ZNF106: variants seen among roughly 807,000 people sequenced by gnomAD.
ZNF106 encodes the protein zinc finger protein 106, also known as SH3-domain binding protein 3.
ZNF106 carries 67 observed loss-of-function variants against 195.1 expected under a neutral mutation model. The ratio of observed to expected loss-of-function variants is 0.34; its 90% CI spans 0.28 to 0.42. The LOEUF is 0.42. ZNF106 is among the 10% of genes least tolerant of loss of function. ZNF106 has a pLI of 1.00. For missense variants in ZNF106, 2,118 were observed against 2,304.5 expected, an observed-to-expected ratio of 0.92 and a Z score of 1.66; for synonymous variants, 784 against 818.6, an observed-to-expected ratio of 0.96 and a Z score of 0.72.
At chr15:42,447,833 G>A (rs563827649) in intron 6 of ZNF106, among the ~76,000 whole-genome samples, 14 of 152,254 alleles carry the variant, frequency 9.2e-5, no homozygotes, top group African/African-American at 3.1e-4. Context: ...CTTGGACACT[G>A]GTTTTAGATA....
At position 42,413,849 on chromosome 15, in the gene ZNF106, T is replaced by TAA. The variant is rs28364558; in HGVS notation, c.*3454_*3455insTT. The TAA allele has an allele frequency of 1.3e-5, 2 of 152,228 alleles. No homozygotes were observed. The highest frequency in any genetic ancestry group is 3.8e-4 in the East Asian group (2 of 5,202). The allele number at this position is 152,228 out of a possible 1,614,324, so 9.4% of individuals were successfully genotyped here. A position where few individuals can be genotyped will look rare whatever the true frequency, so the allele number is the denominator to read the frequency against. On this transcript the variant is annotated 3_prime_UTR_variant, in exon 22 of 22. Coordinates refer to ENST00000564754, the MANE Select transcript of ZNF106 (RefSeq NM_001366845.3). Reference sequence around the variant, plus strand: ...ATCAGGTCAAGATAACCTTTGCTGTTAGAGTTTTGTTTGCATGGTGTGGAA... The same window carrying TAA: ...ATCAGGTCAAGATAACCTTTGCTGTTAAAGAGTTTTGTTTGCATGGTGTGGAA...
intron 17 of ZNF106, 116 bp downstream of exon 17, chr15:42,423,881 AC>A (rs2054759245): frequency 7.5e-6 from 7 of 938,284 alleles, no homozygotes; most frequent in Non-Finnish European, 1.1e-5. Context: ...AGGGATGATT[AC>A]GAATCCCTTC....
At position 42,448,172 on chromosome 15, in the gene ZNF106, G is replaced by C. The variant is rs140464950; in HGVS notation, c.3035C>G (p.Ala1012Gly). The C allele has an allele frequency of 6.2e-7, 1 of 1,614,110 alleles. No individual in the cohort carries two copies. The highest frequency in any genetic ancestry group is 2.2e-5 in the East Asian group (1 of 44,880). ...CLSSSASSAL[A>G]ISSLADAATD... ...GGCTGCATCCGCTAAACTGGAGATC[G>C]CAAGGGCTGAGGATGCGCTTGATGA... The change falls in exon 6 of 22, where the codon GCG (alanine) becomes GGG (glycine). Residue 1012 changes from alanine to glycine, a missense_variant. Ala to Gly is a moderately conservative substitution (Grantham distance 60). Coordinates refer to ENST00000564754, the MANE Select transcript of ZNF106 (RefSeq NM_001366845.3).
chr15:42,457,367 C>A, intron 3 of ZNF106: 1 of 1,421,048 alleles, frequency 7.0e-7, no homozygotes, highest in Non-Finnish European at 9.2e-7. Context: ...TTCCAGCAAT[C>A]AAGAGGCAAT....
intron 9 of ZNF106, 80 bp downstream of exon 9, chr15:42,444,112 CAAAAAAAAAA>C (rs58966014): frequency 1.1e-4 from 28 of 248,904 alleles, no homozygotes; most frequent in African/African-American, 3.5e-4. Context: ...ACTCTGTCTC[CAAAAAAAAAA>C]AAAAAAAAAA....
At chr15:42,490,144 T>C (rs2057114692) in intron 1 of ZNF106, among the ~76,000 whole-genome samples, 1 of 151,218 alleles carries the variant, frequency 6.6e-6, no homozygotes, top group Non-Finnish European at 1.5e-5. Flanking sequence ...GCAGGAGAAT[T>C]GCTTGAATCC....
intron 7 of ZNF106, 100 bp downstream of exon 7, chr15:42,446,489 A>T: frequency 1.2e-6 from 1 of 854,320 alleles, no homozygotes; most frequent in Non-Finnish European, 1.9e-6. Context: ...AGAGAAGAGG[A>T]TTGCTTGAGC....
At chr15:42,436,457 C>T (rs1276949700) in intron 13 of ZNF106, among the ~76,000 whole-genome samples, 2 of 152,178 alleles carry the variant, frequency 1.3e-5, no homozygotes, top group East Asian at 1.9e-4. Context: ...GGAATCTACA[C>T]ACCTGTTGCC....
rs1237036737 is a variant in ZNF106 at position 42,451,884 on chromosome 15, C to T, written c.388G>A (p.Asp130Asn). The T allele has an allele frequency of 6.2e-7, 1 of 1,614,170 alleles. No individual in the cohort carries two copies. The change falls in exon 5 of 22, where the codon GAC (aspartate) becomes AAC (asparagine). Residue 130 changes from aspartate to asparagine, a missense_variant. By Grantham distance (23) the Asp-to-Asn change is conservative. Transcript: ENST00000564754. ...DDRRPQWRRE[D>N]RIPYQDRESY... is the part of the protein sequence containing the mutation. ...TCTCTGTCTTGGTAAGGAATTCGGTCTTCTCGTCTCCATTGGGGTCGTCTG... is the reference window on the plus strand; with the variant it reads ...TCTCTGTCTTGGTAAGGAATTCGGTTTTCTCGTCTCCATTGGGGTCGTCTG...
chr15:42,482,879 C>G (rs2056934945), intron 1 of ZNF106, among the ~76,000 whole-genome samples: 1 of 152,148 alleles, frequency 6.6e-6, no homozygotes, highest in Non-Finnish European at 1.5e-5. Flanking sequence ...GTCTGCTCCA[C>G]ATATGCATAA....
intron 3 of ZNF106, among the ~76,000 whole-genome samples, chr15:42,460,556 G>A (rs377193311): frequency 2.6e-5 from 4 of 152,136 alleles, no homozygotes; most frequent in African/African-American, 4.8e-5. Context: ...AAGGGCATAC[G>A]CAATAAGTGC....
At chr15:42,479,649 A>G (rs1425488212) in intron 1 of ZNF106, among the ~76,000 whole-genome samples, 1 of 151,844 alleles carries the variant, frequency 6.6e-6, no homozygotes, top group African/African-American at 2.4e-5. Flanking sequence ...TGAGACCAGC[A>G]TGGCCAACAT....
chr15:42,436,279 T>G (rs2055271179), intron 13 of ZNF106, among the ~76,000 whole-genome samples: 1 of 152,114 alleles, frequency 6.6e-6, no homozygotes, highest in African/African-American at 2.4e-5. Context: ...ATGGGTACAT[T>G]CCAAATGTTA....
chr15:42,481,785 T>A (rs1211923392), intron 1 of ZNF106, among the ~76,000 whole-genome samples: 1 of 152,230 alleles, frequency 6.6e-6, no homozygotes, highest in East Asian at 1.9e-4. Flanking sequence ...TCGTCAGTGG[T>A]AAACAGAATT....
chr15:42,417,382 C>T, intron 21 of ZNF106, 22 bp from the exon 22 acceptor site: 1 of 1,613,236 alleles, frequency 6.2e-7, no homozygotes, highest in Non-Finnish European at 8.5e-7. Context: ...GGGAAAAGGG[C>T]CCATGAGAGA....
At position 42,415,597 on chromosome 15, in the gene ZNF106, T is replaced by C; in HGVS notation, c.*1707A>G. On this transcript the variant is annotated 3_prime_UTR_variant, in exon 22 of 22. Coordinates refer to ENST00000564754, the MANE Select transcript of ZNF106 (RefSeq NM_001366845.3). ...CTGCCCGATAGCCTGAGGGAAGACA[T>C]GTGAGTGGATATATGTGCACTAACA... 1 of 415,928 alleles carries C rather than the reference T, an allele frequency of 2.4e-6. No individual in the cohort carries two copies. Among genetic ancestry groups the C allele is most frequent in the South Asian group, 1.8e-5 (1 of 56,518 alleles). The allele number at this position is 415,928 out of a possible 1,614,324, so 25.8% of individuals were successfully genotyped here.
chr15:42,479,836 C>T (rs890280397), intron 1 of ZNF106, among the ~76,000 whole-genome samples: 2 of 151,952 alleles, frequency 1.3e-5, no homozygotes, highest in African/African-American at 2.4e-5. Context: ...GGCAAAACTC[C>T]GTCTCAATAA....
At chr15:42,462,060 A>T (rs2056403680) in intron 3 of ZNF106, among the ~76,000 whole-genome samples, 1 of 152,194 alleles carries the variant, frequency 6.6e-6, no homozygotes, top group Admixed American at 6.5e-5. Context: ...TAAGTACTAA[A>T]GGCTATCCTC....
intron 1 of ZNF106, 127 bp from the exon 2 acceptor site, chr15:42,472,448 G>A (rs2056695834): frequency 8.0e-6 from 5 of 628,606 alleles, no homozygotes; most frequent in East Asian, 3.0e-5. Context: ...AGATCTTTCC[G>A]TTTCCAGGTG....
Sources: gnomAD v4.1 joint callset for allele counts (sites outside exome capture counted in the v4.1 genomes callset) on GRCh38, gnomAD v4.1.1 for gene constraint, MANE v1.5 for transcripts, NCBI Gene and HGNC (gene_info 2026-07-23, HGNC 2026-07-21) for gene names.